PDE1A: variants seen among roughly 807,000 people sequenced by gnomAD.
PDE1A encodes dual specificity calcium/calmodulin-dependent 3',5'-cyclic nucleotide phosphodiesterase 1A.
In PDE1A, 35 loss-of-function variants were observed where a neutral mutation model predicts 61.7. The observed-to-expected ratio is 0.57, with a 90% CI of 0.43 to 0.75. PDE1A has a LOEUF of 0.75. Ranked by LOEUF, PDE1A falls within the 30% of genes least tolerant of loss-of-function variation. The pLI, the probability that PDE1A is intolerant of heterozygous loss-of-function variation, is 0.00. For missense variants in PDE1A, 597 were observed against 630.6 expected (o/e 0.95, Z 0.57); for synonymous variants, 232 against 213.2 (o/e 1.09, Z -0.77).
chr2:182,541,894 G>A, the PDE1A span, among the ~76,000 whole-genome samples: 1 of 152,142 alleles, frequency 6.6e-6, no homozygotes, highest in Non-Finnish European at 1.5e-5. Context: ...ATTAACTATT[G>A]TAAATGAAGC....
At chr2:182,532,502 T>C in the PDE1A span, among the ~76,000 whole-genome samples, 1 of 152,152 alleles carries the variant, frequency 6.6e-6, no homozygotes, top group Non-Finnish European at 1.5e-5. Context: ...TGAAGTAGAT[T>C]AGTGGTTTCC....
chr2:182,628,047 T>C, the PDE1A span, among the ~76,000 whole-genome samples: 1 of 90,904 alleles, frequency 1.1e-5, no homozygotes, highest in Non-Finnish European at 2.2e-5. Context: ...GAAAAAAGTG[T>C]ATGTGTGCAC....
At chr2:182,221,534 C>T (rs113641187) in intron 7 of PDE1A, among the ~76,000 whole-genome samples, 6 of 152,056 alleles carry the variant, frequency 3.9e-5, no homozygotes, top group Admixed American at 2.0e-4. Context: ...ATTCCTGCTA[C>T]ATAACCAGAC....
At chr2:182,366,429 C>A (rs943078259) in intron 1 of PDE1A, among the ~76,000 whole-genome samples, 1 of 152,064 alleles carries the variant, frequency 6.6e-6, no homozygotes, top group East Asian at 1.9e-4. Flanking sequence ...TATGATTTGC[C>A]GTTGGATCTC....
At chr2:182,691,923 A>T in the PDE1A span, among the ~76,000 whole-genome samples, 1 of 152,246 alleles carries the variant, frequency 6.6e-6, no homozygotes. Flanking sequence ...ACACGAAAAA[A>T]TGCTCATCAT....
intron 1 of PDE1A, among the ~76,000 whole-genome samples, chr2:182,282,694 A>T (rs1693890686): frequency 6.6e-6 from 1 of 151,986 alleles, no homozygotes. Context: ...ATACACCAAG[A>T]ATTTAATTTG....
Position 182,438,141 on chromosome 2 carries a change from T to C in PDE1A, c.101+84135A>G, listed in dbSNP as rs114661452. Among the ~76,000 whole-genome samples the C allele has an allele frequency of 6.7e-4, 102 of 152,074 alleles. No homozygotes were observed. The Middle Eastern group carries it at 0.01, about 15-fold the overall frequency. ...TCTCAGAGAGCACTTACCTCTCAAG[T>C]ATCCCTGAGCTGGTAAAAGTAAATC... On this transcript the variant is annotated intron_variant, in intron 2 of 14. Transcript: ENST00000410103.
the PDE1A span, among the ~76,000 whole-genome samples, chr2:182,676,449 C>T: frequency 6.6e-6 from 1 of 151,032 alleles, no homozygotes; most frequent in East Asian, 1.9e-4. Flanking sequence ...AAAAAAAAGG[C>T]CAGTACCAGA....
intron 2 of PDE1A, among the ~76,000 whole-genome samples, chr2:182,455,077 C>A (rs1685812446): frequency 6.6e-6 from 1 of 151,704 alleles, no homozygotes; most frequent in South Asian, 2.1e-4. Context: ...ACAAACAACC[C>A]CATCAAAATG....
intron 13 of PDE1A, among the ~76,000 whole-genome samples, chr2:182,183,107 G>A (rs748473114): frequency 2.0e-5 from 3 of 152,020 alleles, no homozygotes; most frequent in Non-Finnish European, 2.9e-5. Flanking sequence ...CTCATATAGC[G>A]CTTAGTACTC....
At chr2:182,317,996 A>G (rs1486096498) in intron 1 of PDE1A, among the ~76,000 whole-genome samples, 1 of 152,184 alleles carries the variant, frequency 6.6e-6, no homozygotes, top group African/African-American at 2.4e-5. Flanking sequence ...GATCAATAAA[A>G]TAAGACTTAG....
chr2:182,448,332 AT>A (rs11442872), intron 2 of PDE1A, among the ~76,000 whole-genome samples: 1 of 151,134 alleles, frequency 6.6e-6, no homozygotes, highest in African/African-American at 2.4e-5. Context: ...TATCATTTAG[AT>A]TTTTTTTTGT....
downstream of PDE1A, among the ~76,000 whole-genome samples, chr2:182,144,997 C>T (rs934037771): frequency 2.6e-5 from 4 of 152,174 alleles, no homozygotes; most frequent in Non-Finnish European, 5.9e-5. Flanking sequence ...CCTGTTGTCT[C>T]CCAGACACCA....
chr2:182,428,501 A>G (rs1703752796), upstream of PDE1A, among the ~76,000 whole-genome samples: 1 of 152,132 alleles, frequency 6.6e-6, no homozygotes, highest in Non-Finnish European at 1.5e-5. Flanking sequence ...AGTGACATCT[A>G]TGTCACTGTT....
At chr2:182,655,417 C>T in the PDE1A span, among the ~76,000 whole-genome samples, 1 of 152,320 alleles carries the variant, frequency 6.6e-6, no homozygotes, top group East Asian at 1.9e-4. Context: ...AAACTCTCCA[C>T]TTACCAGCCT....
At chr2:182,228,997 A>T (rs76859894) in intron 6 of PDE1A, among the ~76,000 whole-genome samples, 4,737 of 152,196 alleles carry the variant, frequency 0.031, 253 homozygotes, top group African/African-American at 0.11. Flanking sequence ...AGTCTTACAG[A>T]GAAGTTGGAA....
At chr2:182,411,131 C>T (rs1478340387) in intron 1 of PDE1A, among the ~76,000 whole-genome samples, 2 of 152,202 alleles carry the variant, frequency 1.3e-5, no homozygotes, top group Non-Finnish European at 2.9e-5. Flanking sequence ...CTTTCATGTT[C>T]ACTTTAAGTG....
chr2:182,250,362 T>C (rs1408817767), intron 2 of PDE1A, among the ~76,000 whole-genome samples: 1 of 152,192 alleles, frequency 6.6e-6, no homozygotes, highest in African/African-American at 2.4e-5. Flanking sequence ...CACTTTGAAG[T>C]ACAATAAATT....
the PDE1A span, among the ~76,000 whole-genome samples, chr2:182,683,454 T>C: frequency 6.6e-6 from 1 of 151,428 alleles, no homozygotes; most frequent in African/African-American, 2.4e-5. Context: ...TAAAATTGAG[T>C]CCAAAAAATA....
Sources: allele counts gnomAD v4.1 joint callset (sites outside exome capture counted in the v4.1 genomes callset), GRCh38; gene constraint gnomAD v4.1.1; transcripts MANE v1.5; gene names NCBI Gene and HGNC (gene_info 2026-07-23, HGNC 2026-07-21).